Variants in SPECC1L observed in about 807,000 individuals in gnomAD.
The protein encoded by SPECC1L is sperm antigen with calponin homology and coiled-coil domains 1 like.
SPECC1L carries 40 observed loss-of-function variants against 116.8 expected under a neutral mutation model. The observed-to-expected ratio is 0.34, with a 90% CI of 0.27 to 0.45. The LOEUF is 0.45. Ranked by LOEUF, SPECC1L falls within the 20% of genes least tolerant of loss-of-function variation. SPECC1L has a pLI of 1.00. For missense variants in SPECC1L, 1,110 were observed against 1,373.6 expected, an observed-to-expected ratio of 0.81 and a Z score of 3.03; for synonymous variants, 504 against 500.6, an observed-to-expected ratio of 1.01 and a Z score of -0.09.
intron 10 of SPECC1L, among the ~76,000 whole-genome samples, chr22:24,339,784 CCTT>C (rs150925586): frequency 0.22 from 33,540 of 151,928 alleles, 4,017 homozygotes; most frequent in Admixed American, 0.29. Context: ...GATGTTATGT[CCTT>C]TTTTTTTTAC....
chr22:24,280,793 G>T (rs2048927943), intron 2 of SPECC1L, among the ~76,000 whole-genome samples: 2 of 151,970 alleles, frequency 1.3e-5, no homozygotes, highest in Non-Finnish European at 2.9e-5. Flanking sequence ...TGGCCAGGCT[G>T]GTCTTGAACT....
chr22:24,314,179 G>C (rs1219690367), intron 4 of SPECC1L, among the ~76,000 whole-genome samples: 1 of 152,054 alleles, frequency 6.6e-6, no homozygotes, highest in Non-Finnish European at 1.5e-5. Context: ...CGAGCAGCTA[G>C]GACTACAGGC....
At chr22:24,358,092 G>T (rs180707647) in intron 11 of SPECC1L, among the ~76,000 whole-genome samples, 1 of 148,200 alleles carries the variant, frequency 6.7e-6, no homozygotes, top group African/African-American at 2.5e-5. Flanking sequence ...ATCACATATT[G>T]TAGAGGTGTT....
intron 3 of SPECC1L, among the ~76,000 whole-genome samples, chr22:24,309,090 A>T (rs2049561346): frequency 6.6e-6 from 1 of 152,156 alleles, no homozygotes; most frequent in Non-Finnish European, 1.5e-5. Context: ...GGAGGATAGT[A>T]CTTAAAAACC....
chr22:24,400,988 A>T (rs2042462894), intron 14 of SPECC1L, among the ~76,000 whole-genome samples: 1 of 152,198 alleles, frequency 6.6e-6, no homozygotes. Flanking sequence ...AGTCATGAGA[A>T]TGGTAAAACA....
intron 14 of SPECC1L, among the ~76,000 whole-genome samples, chr22:24,382,373 G>A (rs2042077920): frequency 6.6e-6 from 1 of 152,132 alleles, no homozygotes; most frequent in Admixed American, 6.5e-5. Context: ...AGGCAGCCAA[G>A]ATGTTGAGGG....
At chr22:24,293,469 G>A (rs1279863384) in intron 2 of SPECC1L, among the ~76,000 whole-genome samples, 1 of 152,028 alleles carries the variant, frequency 6.6e-6, no homozygotes, top group African/African-American at 2.4e-5. Flanking sequence ...AAAAATAAAA[G>A]GGGGGAAAAA....
intron 14 of SPECC1L, among the ~76,000 whole-genome samples, chr22:24,372,449 G>A (rs2041890435): frequency 6.6e-6 from 1 of 152,166 alleles, no homozygotes; most frequent in Non-Finnish European, 1.5e-5. Flanking sequence ...CTTCATCCCT[G>A]GGATGCAAGG....
chr22:24,377,617 C>T (rs1401419977), intron 14 of SPECC1L, among the ~76,000 whole-genome samples: 1 of 152,124 alleles, frequency 6.6e-6, no homozygotes, highest in Non-Finnish European at 1.5e-5. Context: ...GAGGCAAGAC[C>T]CCATAGTTTA....
At chr22:24,300,950 T>C (rs1302455290) in intron 2 of SPECC1L, among the ~76,000 whole-genome samples, 1 of 152,182 alleles carries the variant, frequency 6.6e-6, no homozygotes, top group Non-Finnish European at 1.5e-5. Flanking sequence ...TCCTTACACC[T>C]TATAAAAAAT....
chr22:24,362,542 G>A (rs899334489), intron 11 of SPECC1L, among the ~76,000 whole-genome samples: 1 of 152,164 alleles, frequency 6.6e-6, no homozygotes, highest in Non-Finnish European at 1.5e-5. Context: ...CCACATGCCA[G>A]GTAATGAAGG....
rs559379441 is a variant in SPECC1L at position 24,404,810 on chromosome 22, C to T, written c.3088-6778C>T. On this transcript the variant is annotated intron_variant, in intron 14 of 16. Transcript: ENST00000314328. ...CCATGAAACCCCAGGTGAGGACTCG[C>T]TGAGTGTGCAAATGAATCCTCAAAA... Among the ~76,000 whole-genome samples the T allele has an allele frequency of 7.9e-5, 12 of 152,324 alleles. No individual in the cohort carries two copies. The South Asian group carries it at 2.3e-3, about 29-fold the overall frequency.
At chr22:24,382,275 A>C (rs1471770066) in intron 14 of SPECC1L, among the ~76,000 whole-genome samples, 1 of 152,088 alleles carries the variant, frequency 6.6e-6, no homozygotes, top group Non-Finnish European at 1.5e-5. Context: ...AACTCTTCAC[A>C]TGGGGTAGAG....
chr22:24,350,468 C>T (rs151020702), intron 11 of SPECC1L, among the ~76,000 whole-genome samples: 5 of 152,208 alleles, frequency 3.3e-5, no homozygotes, highest in Non-Finnish European at 7.4e-5. Context: ...AATTCTATCC[C>T]ATAGTAAATC....
At chr22:24,349,453 T>C (rs956492201) in intron 11 of SPECC1L, among the ~76,000 whole-genome samples, 1 of 152,232 alleles carries the variant, frequency 6.6e-6, no homozygotes, top group East Asian at 1.9e-4. Flanking sequence ...CTCATGACTT[T>C]AAATACTATT....
At chr22:24,373,113 A>G (rs990162820) in intron 14 of SPECC1L, among the ~76,000 whole-genome samples, 11 of 152,232 alleles carry the variant, frequency 7.2e-5, no homozygotes, top group Non-Finnish European at 1.5e-4. Flanking sequence ...CCACTGCTCA[A>G]TGAAATAAAA....
Position 24,322,346 on chromosome 22 carries a change from T to G in SPECC1L, c.1366T>G (p.Leu456Val), listed in dbSNP as rs2040738577. 1.2e-6 allele frequency: 2 copies of G among 1,614,062 alleles called. No homozygotes were observed. The highest frequency in any genetic ancestry group is 1.7e-6 in the Non-Finnish European group (2 of 1,180,050). Residue 456 changes from leucine (L) to valine (V), a missense_variant, in exon 5 of 17, where the codon TTG (leucine) becomes GTG (valine). By Grantham distance (32) the Leu-to-Val change is conservative. Transcript: ENST00000314328. ...GTCTTTATGTCAGCAGAGCGATAAG[T>G]TGGAACACTTTAGTCGACAGATTGA... is the stretch of plus-strand genomic sequence containing the variant. ...MESLCQQSDK[L>V]EHFSRQIEYF...
intron 2 of SPECC1L, among the ~76,000 whole-genome samples, chr22:24,281,570 T>C: frequency 6.6e-6 from 1 of 152,366 alleles, no homozygotes; most frequent in East Asian, 1.9e-4. Flanking sequence ...TCATATATTT[T>C]GATACTGTGA....
chr22:24,272,677 A>C (rs979610475), intron 1 of SPECC1L, among the ~76,000 whole-genome samples: 17 of 152,104 alleles, frequency 1.1e-4, no homozygotes, highest in East Asian at 5.8e-4. Flanking sequence ...AAAAAAAAAA[A>C]AAAACAGCTA....
Sources: allele counts gnomAD v4.1 joint callset (sites outside exome capture counted in the v4.1 genomes callset), GRCh38; gene constraint gnomAD v4.1.1; transcripts MANE v1.5; gene names NCBI Gene and HGNC (gene_info 2026-07-23, HGNC 2026-07-21).